FANCB: variants seen among roughly 807,000 people sequenced by gnomAD.
FANCB encodes FA complementation group B, also known as Fanconi anemia group B protein.
Under a neutral mutation model 38.9 loss-of-function variants are expected in FANCB, and 5 were observed. The observed-to-expected ratio is 0.13, with a 90% CI of 0.07 to 0.27. The LOEUF is 0.27. Ranked by LOEUF, FANCB falls within the 10% of genes least tolerant of loss-of-function variation. FANCB has a pLI of 1.00. For synonymous variants in FANCB, 236 were observed against 215.4 expected, an observed-to-expected ratio of 1.10 and a Z score of -0.84; for missense variants, 573 against 602.7, an observed-to-expected ratio of 0.95 and a Z score of 0.52.
chrX:14,776,318 C>T, the FANCB span, among the ~76,000 whole-genome samples: 2 of 111,551 alleles, frequency 1.8e-5, no homozygotes, highest in African/African-American at 6.5e-5. Context: ...AATGCCCACC[C>T]GCTTCAGGTT....
At chrX:14,731,891 T>TTTC in the FANCB span, 4 of 111,538 alleles carry the variant, frequency 3.6e-5, no homozygotes, top group Non-Finnish European at 7.5e-5. Context: ...TTTGAAAATT[T>TTTC]TTCTTATTAT....
chrX:14,734,339 A>G, the FANCB span, among the ~76,000 whole-genome samples: 6 of 112,347 alleles, frequency 5.3e-5, no homozygotes, highest in Non-Finnish European at 1.1e-4. Context: ...ACAATTTGGT[A>G]TGTTTTTGCA....
the FANCB span, among the ~76,000 whole-genome samples, chrX:14,809,088 A>G: frequency 1.2e-3 from 140 of 112,629 alleles, no homozygotes; most frequent in African/African-American, 4.4e-3. Context: ...AAGAATTAAT[A>G]TTGTTAAAGT....
the FANCB span, among the ~76,000 whole-genome samples, chrX:14,786,069 T>C: frequency 8.9e-6 from 1 of 111,941 alleles, no homozygotes; most frequent in African/African-American, 3.2e-5. Flanking sequence ...TGGAGCACTC[T>C]GGAGCTCAGA....
downstream of FANCB, among the ~76,000 whole-genome samples, chrX:14,840,014 C>T (rs1178281999): frequency 9.0e-6 from 1 of 111,338 alleles, no homozygotes; most frequent in Non-Finnish European, 1.9e-5. Flanking sequence ...TGCCACCACA[C>T]CTGGCTAATT....
chrX:14,796,493 A>G, the FANCB span, among the ~76,000 whole-genome samples: 1 of 100,467 alleles, frequency 1.0e-5, no homozygotes, highest in African/African-American at 3.6e-5. Flanking sequence ...AACATATATT[A>G]TATATATAAC....
chrX:14,798,141 TTTTTGTTTTTG>T, the FANCB span, among the ~76,000 whole-genome samples: 1 of 110,601 alleles, frequency 9.0e-6, no homozygotes, highest in South Asian at 3.8e-4. Context: ...TTTTGTTTTT[TTTTTGTTTTTG>T]TTTTTGTTTT....
the FANCB span, among the ~76,000 whole-genome samples, chrX:14,820,010 C>A: frequency 9.0e-6 from 1 of 111,237 alleles, no homozygotes; most frequent in African/African-American, 3.3e-5. Flanking sequence ...CCAAGTGAAC[C>A]CATTAACATG....
chrX:14,691,406 C>T, the FANCB span, among the ~76,000 whole-genome samples: 1 of 109,833 alleles, frequency 9.1e-6, no homozygotes, highest in Non-Finnish European at 1.9e-5. Context: ...TTATGCCGTA[C>T]CCATGTAGAT....
At chrX:14,752,922 TCTC>T in the FANCB span, among the ~76,000 whole-genome samples, 2 of 107,935 alleles carry the variant, frequency 1.9e-5, no homozygotes, top group East Asian at 5.8e-4. Flanking sequence ...TTTATAATTC[TCTC>T]CTCCTCCCTC....
chrX:14,736,491 G>C, the FANCB span, among the ~76,000 whole-genome samples: 1 of 111,508 alleles, frequency 9.0e-6, no homozygotes, highest in Non-Finnish European at 1.9e-5. Flanking sequence ...ACTAGGGGAG[G>C]GAGTTCCCCG....
At chrX:14,804,178 T>A in the FANCB span, among the ~76,000 whole-genome samples, 1 of 111,890 alleles carries the variant, frequency 8.9e-6, no homozygotes, top group African/African-American at 3.3e-5. Flanking sequence ...TAAAGACACA[T>A]GCACACATAT....
the FANCB span, among the ~76,000 whole-genome samples, chrX:14,732,807 A>T: frequency 1.7e-4 from 19 of 111,117 alleles, no homozygotes; most frequent in South Asian, 6.7e-3. Flanking sequence ...GATTGCAAAA[A>T]TTTTCTCCCA....
the FANCB span, among the ~76,000 whole-genome samples, chrX:14,732,480 A>ATTAAT: frequency 2.7e-5 from 3 of 112,170 alleles, no homozygotes; most frequent in Non-Finnish European, 5.6e-5. Flanking sequence ...CAATGGTTGA[A>ATTAAT]TTAATTTACA....
At chrX:14,758,095 T>TCCGCGGTACAGCTTTC in the FANCB span, among the ~76,000 whole-genome samples, 1 of 110,786 alleles carries the variant, frequency 9.0e-6, no homozygotes, top group African/African-American at 3.3e-5. Context: ...TTCCCCCATT[T>TCCGCGGTACAGCTTTC]CCGCGGTACA....
chrX:14,840,936 C>T (rs1313075307), downstream of FANCB, among the ~76,000 whole-genome samples: 1 of 111,648 alleles, frequency 9.0e-6, no homozygotes, highest in African/African-American at 3.3e-5. Context: ...GTGTGACACC[C>T]TACTGAATAA....
At chrX:14,774,682 T>C in the FANCB span, among the ~76,000 whole-genome samples, 1 of 112,420 alleles carries the variant, frequency 8.9e-6, no homozygotes, top group Non-Finnish European at 1.9e-5. Flanking sequence ...AGAGGAAAAG[T>C]ACAAATGTTT....
chrX:14,811,428 C>T, the FANCB span, among the ~76,000 whole-genome samples: 5 of 110,987 alleles, frequency 4.5e-5, no homozygotes, highest in Non-Finnish European at 5.7e-5. Flanking sequence ...ACCCATCTCA[C>T]GTGCAGAGAC....
the FANCB span, among the ~76,000 whole-genome samples, chrX:14,724,748 T>C: frequency 2.6e-4 from 28 of 108,666 alleles, no homozygotes; most frequent in Admixed American, 9.1e-4. Context: ...AAAGAGATAA[T>C]ACATTGACAT....
Sources: allele counts gnomAD v4.1 joint callset (sites outside exome capture counted in the v4.1 genomes callset), GRCh38; gene constraint gnomAD v4.1.1; transcripts MANE v1.5; gene names NCBI Gene and HGNC (gene_info 2026-07-23, HGNC 2026-07-21).